CEP120: variants seen among roughly 807,000 people sequenced by gnomAD.
CEP120 encodes centrosomal protein 120, also known as centrosomal protein of 120 kDa.
In CEP120, 113 loss-of-function variants were observed where a neutral mutation model predicts 126.5. The ratio of observed to expected loss-of-function variants is 0.89; its 90% confidence interval spans 0.77 to 1.04. The LOEUF is 1.04. Ranked by LOEUF, CEP120 falls within the 50% of genes least tolerant of loss-of-function variation. CEP120 has a pLI of 0.00. For missense variants in CEP120, 1,230 were observed against 1,155.7 expected (o/e 1.06, Z -0.93); for synonymous variants, 400 against 394.3 (o/e 1.01, Z -0.17).
intron 1 of CEP120, 81 bp from the exon 2 acceptor site, chr5:123,418,596 CT>C (rs1774518719): frequency 1.1e-4 from 126 of 1,186,176 alleles, no homozygotes; most frequent in Non-Finnish European, 1.3e-4. Context: ...TTTTGTTTGG[CT>C]GGTTTTTTTT....
rs184912664 is a variant in CEP120, at chr5:123,403,166, G to A, written c.464-3882C>T. The stretch of plus-strand genomic sequence containing the variant: ...ATATATGCACAAATTCCCTCACTTT[G>A]TCTACTGAAAGGGCCTGGGAACAGT... On this transcript the variant is annotated intron_variant, in intron 4 of 19. Transcript: ENST00000306467. 212 of 406,838 alleles carry A rather than the reference G, an allele frequency of 5.2e-4. 1 individual carries two copies. The highest frequency in any genetic ancestry group is 1.2e-4 in the Non-Finnish European group (25 of 209,236). The allele number at this position is 406,838 out of a possible 1,614,324, so 25.2% of individuals were successfully genotyped here.
At chr5:123,383,417 A>C (rs1223661686) in intron 11 of CEP120, among the ~76,000 whole-genome samples, 1 of 152,148 alleles carries the variant, frequency 6.6e-6, no homozygotes, top group East Asian at 1.9e-4. Flanking sequence ...TTATTTATAT[A>C]TAGATATACA....
rs1217376363 is a variant in CEP120 at position 123,393,441 on chromosome 5, G to C, written c.669C>G (p.Tyr223Ter). Reference sequence around the variant, plus strand: ...TTGTAACATCATTTCCCAGTAAAGAGTAGTAAAAGAAAAACTCAGGCTGTC... The same window carrying C: ...TTGTAACATCATTTCCCAGTAAAGACTAGTAAAAGAAAAACTCAGGCTGTC... ...PERQPEFFFY[Y>*]SLLGNDVTNE... Residue 223 changes from tyrosine (Y) to a stop codon, truncating the protein, a stop_gained, in exon 6 of 20, where the codon TAC becomes TAG. Transcript: ENST00000306467. LOFTEE classifies it high-confidence loss of function. 6.2e-7 allele frequency: 1 copy of C among 1,614,052 alleles called. No individual in the cohort carries two copies. Among genetic ancestry groups the C allele is most frequent in the East Asian group, 2.2e-5 (1 of 44,860 alleles).
intron 19 of CEP120, among the ~76,000 whole-genome samples, chr5:123,347,017 A>G (rs189560976): frequency 6.6e-6 from 1 of 152,296 alleles, no homozygotes; most frequent in Non-Finnish European, 1.5e-5. Context: ...CATGAAAACT[A>G]GATATTTTGG....
At chr5:123,371,409 G>A (rs1770845765) in intron 17 of CEP120, among the ~76,000 whole-genome samples, 1 of 152,054 alleles carries the variant, frequency 6.6e-6, no homozygotes, top group South Asian at 2.1e-4. Context: ...GCCATCAGAT[G>A]TTGTGAGACT....
At chr5:123,347,172 T>C (rs994841648) in intron 19 of CEP120, among the ~76,000 whole-genome samples, 2 of 152,178 alleles carry the variant, frequency 1.3e-5, no homozygotes, top group Non-Finnish European at 2.9e-5. Flanking sequence ...CAATTCTGTA[T>C]ACTACTTTTC....
chr5:123,408,942 C>T (rs1200190973), intron 4 of CEP120, among the ~76,000 whole-genome samples: 1 of 152,142 alleles, frequency 6.6e-6, no homozygotes, highest in Non-Finnish European at 1.5e-5. Flanking sequence ...CATGGTGGCT[C>T]ACACCTGTAA....
chr5:123,353,128 C>G (rs1470403901), intron 18 of CEP120, among the ~76,000 whole-genome samples: 2 of 151,886 alleles, frequency 1.3e-5, no homozygotes, highest in African/African-American at 4.8e-5. Context: ...ATTACACTGG[C>G]TAGAACACCT....
chr5:123,422,467 C>T (rs879882205), intron 1 of CEP120: 1 of 1,524,052 alleles, frequency 6.6e-7, no homozygotes, highest in Non-Finnish European at 8.8e-7. Flanking sequence ...CAAAACACAC[C>T]TTTTAAGGAA....
At position 123,382,226 on chromosome 5, in the gene CEP120, G is replaced by T. The variant is rs142093713; in HGVS notation, c.2014-26C>A. 35,057 of 1,492,374 alleles carry T rather than the reference G, an allele frequency of 0.023. 484 individuals carry two copies. The highest frequency in any genetic ancestry group is 0.028 in the Non-Finnish European group (30,103 of 1,088,990). The allele number at this position is 1,492,374 out of a possible 1,614,324, so 92.4% of individuals were successfully genotyped here. On this transcript the variant is annotated intron_variant, in intron 13 of 19. Coordinates refer to ENST00000306467, the MANE Select transcript of CEP120 (RefSeq NM_001375405.1). ...CTACAAAAGGAAGAAAAATAAAGTC[G>T]CCAAAAAACCCCAAATATGTCAAAT...
At chr5:123,391,458 C>T in intron 6 of CEP120, 121 bp from the exon 7 acceptor site, 1 of 693,376 alleles carries the variant, frequency 1.4e-6, no homozygotes, top group Non-Finnish European at 2.4e-6. Flanking sequence ...CAGGTTATAC[C>T]TCATTGACCT....
At chr5:123,404,499 G>A (rs568326563) in intron 4 of CEP120, among the ~76,000 whole-genome samples, 16 of 152,238 alleles carry the variant, frequency 1.1e-4, no homozygotes, top group African/African-American at 3.4e-4. Flanking sequence ...GTATTGCATT[G>A]GAAGAGCGTG....
At chr5:123,395,531 A>T (rs1772719087) in intron 5 of CEP120, among the ~76,000 whole-genome samples, 1 of 152,160 alleles carries the variant, frequency 6.6e-6, no homozygotes, top group Admixed American at 6.5e-5. Context: ...AGTCCCTGGA[A>T]ATCACAAATC....
Position 123,412,390 on chromosome 5 carries a change from T to G in CEP120, c.463+9A>C. 6.3e-7 allele frequency: 1 copy of G among 1,590,896 alleles called. No individual in the cohort carries two copies. The highest frequency in any genetic ancestry group is 8.5e-7 in the Non-Finnish European group (1 of 1,172,766). ...TCTCAGAGAATGTTTTTAGAGATGATGCACAAACCTTTTCCATCTCGAGGG... is the reference window on the plus strand; with the variant it reads ...TCTCAGAGAATGTTTTTAGAGATGAGGCACAAACCTTTTCCATCTCGAGGG... On this transcript the variant is annotated intron_variant, in intron 4 of 19. Transcript: ENST00000306467.
chr5:123,354,352 A>T (rs1413233305), intron 18 of CEP120, among the ~76,000 whole-genome samples: 1 of 152,126 alleles, frequency 6.6e-6, no homozygotes, highest in East Asian at 1.9e-4. Context: ...TTCCATGTGC[A>T]CTAGAAAATA....
In CEP120 at chr5:123,345,204, C is replaced by G. The variant is rs903095768; in HGVS notation, c.*1315G>C. 1 of 152,012 alleles carries G rather than the reference C, an allele frequency of 6.6e-6. No homozygotes were observed. Among genetic ancestry groups the G allele is most frequent in the South Asian group, 2.1e-4 (1 of 4,818 alleles). 9.4% of individuals were successfully genotyped at this position (152,012 alleles called of 1,614,324 possible). A position where few individuals can be genotyped will look rare whatever the true frequency, so the allele number is the denominator to read the frequency against. Reference sequence around the variant, plus strand: ...CCTGCTATGATTCAGATTCATTATCCTCTCATTCAGTAATTTCTTTATTAT... The same window carrying G: ...CCTGCTATGATTCAGATTCATTATCGTCTCATTCAGTAATTTCTTTATTAT... On this transcript the variant is annotated 3_prime_UTR_variant, in exon 20 of 20. Transcript: ENST00000306467.
Position 123,348,349 on chromosome 5 carries a change from A to C in CEP120, c.2726+1595T>G, listed in dbSNP as rs538819335. Among the ~76,000 whole-genome samples the C allele has an allele frequency of 8.5e-5, 13 of 152,330 alleles. No individual in the cohort carries two copies. In the East Asian group the frequency reaches 2.5e-3, roughly 30 times the overall value. ...CCCACCAAAACAGTGCTTAGCAAAC[A>C]GCAGGAGCTAAATATATATTTGCTA... On this transcript the variant is annotated intron_variant, in intron 19 of 19. Transcript: ENST00000306467.
intron 5 of CEP120, among the ~76,000 whole-genome samples, chr5:123,396,058 T>C (rs1351769453): frequency 6.6e-6 from 1 of 151,308 alleles, no homozygotes; most frequent in Non-Finnish European, 1.5e-5. Flanking sequence ...TCTTGAACTG[T>C]TGGGACTGAA....
chr5:123,390,163 G>T, intron 7 of CEP120, 23 bp from the exon 8 acceptor site: 1 of 1,512,766 alleles, frequency 6.6e-7, no homozygotes, highest in Non-Finnish European at 9.1e-7. Context: ...TTTAAATAAA[G>T]TATAATTTGC....
Sources: allele counts gnomAD v4.1 joint callset (sites outside exome capture counted in the v4.1 genomes callset), GRCh38; gene constraint gnomAD v4.1.1; transcripts MANE v1.5; gene names NCBI Gene and HGNC (gene_info 2026-07-23, HGNC 2026-07-21).